Variants in USP8 observed in about 807,000 individuals in gnomAD.
USP8 encodes the protein ubiquitin specific peptidase 8, also known as ubiquitin carboxyl-terminal hydrolase 8.
A neutral mutation model predicts 130.0 loss-of-function variants in USP8; 27 were observed. The observed-to-expected ratio is 0.21, with a 90% confidence interval of 0.15 to 0.29. The LOEUF is 0.29. Among genes scored for constraint, USP8 ranks in the 10% least tolerant of loss-of-function variants. The probability of loss-of-function intolerance (pLI) is 1.00; values close to 1 mark genes in which losing one functional copy is unlikely to be tolerated. For missense variants in USP8, 1,029 were observed against 1,312.2 expected (o/e 0.78, Z 3.33); for synonymous variants, 392 against 444.1 (o/e 0.88, Z 1.48).
chr15:50,426,667 G>A (rs1030982730), intron 1 of USP8, among the ~76,000 whole-genome samples: 1 of 152,144 alleles, frequency 6.6e-6, no homozygotes, highest in Non-Finnish European at 1.5e-5. Flanking sequence ...ACAGTATGGC[G>A]GCTAGGTTCC....
chr15:50,424,578 C>A (rs1194162749), intron 1 of USP8, 64 bp downstream of exon 1: 2 of 398,254 alleles, frequency 5.0e-6, no homozygotes, highest in Non-Finnish European at 8.9e-6. Flanking sequence ...GAACGATGAA[C>A]GCCTTTCCTT....
intron 4 of USP8, among the ~76,000 whole-genome samples, chr15:50,456,996 A>G (rs956939074): frequency 6.6e-6 from 1 of 152,250 alleles, no homozygotes; most frequent in African/African-American, 2.4e-5. Flanking sequence ...TTTGTGTGAC[A>G]TGCTAATTTC....
chr15:50,498,407 CT>C, intron 18 of USP8, 188 bp from the exon 19 acceptor site: 2 of 665,630 alleles, frequency 3.0e-6, no homozygotes, highest in Non-Finnish European at 4.7e-6. Flanking sequence ...ATCCATATGC[CT>C]CAGTTTTCTT....
chr15:50,479,975 G>T (rs2051706358), intron 10 of USP8, among the ~76,000 whole-genome samples: 1 of 152,050 alleles, frequency 6.6e-6, no homozygotes, highest in South Asian at 2.1e-4. Flanking sequence ...TGCCCAGGCT[G>T]GTCTCGAACT....
chr15:50,471,855 G>A (rs1413359616), intron 8 of USP8, 60 bp downstream of exon 8: 9 of 1,558,926 alleles, frequency 5.8e-6, no homozygotes, highest in Non-Finnish European at 7.9e-6. Context: ...TGTTAGAAAG[G>A]CATGTTAACT....
At chr15:50,454,525 G>C (rs2050728726) in intron 4 of USP8, among the ~76,000 whole-genome samples, 1 of 145,878 alleles carries the variant, frequency 6.9e-6, no homozygotes, top group East Asian at 2.1e-4. Flanking sequence ...ACACGATCTT[G>C]GCTTGCTGCA....
chr15:50,436,539 C>G (rs1245248169), intron 1 of USP8, among the ~76,000 whole-genome samples: 1 of 152,140 alleles, frequency 6.6e-6, no homozygotes, highest in Non-Finnish European at 1.5e-5. Context: ...CACTTTGTTG[C>G]CCAGGCTGGA....
intron 17 of USP8, 122 bp from the exon 18 acceptor site, chr15:50,496,967 C>G: frequency 2.3e-6 from 3 of 1,281,508 alleles, no homozygotes; most frequent in Non-Finnish European, 3.2e-6. Context: ...AAGGCAGGAA[C>G]TCTTTTGTGT....
intron 1 of USP8, among the ~76,000 whole-genome samples, chr15:50,438,310 G>A (rs531512429): frequency 2.6e-5 from 4 of 152,306 alleles, no homozygotes; most frequent in African/African-American, 7.2e-5. Context: ...GTAGCCAGAC[G>A]TGGTGGCTTA....
chr15:50,438,278 A>C (rs1174846565), intron 1 of USP8, among the ~76,000 whole-genome samples: 1 of 152,200 alleles, frequency 6.6e-6, no homozygotes, highest in Non-Finnish European at 1.5e-5. Flanking sequence ...TAGAATGAAG[A>C]TTATTAAGAG....
chr15:50,500,659 C>T lies in USP8; in HGVS notation c.*1571C>T, dbSNP rs1012704208. 1.7e-5 allele frequency: 18 copies of T among 1,059,070 alleles called. No homozygotes were observed. In the African/African-American group the frequency reaches 1.7e-4, roughly 10 times the overall value. The allele number at this position is 1,059,070 out of a possible 1,614,324, so 65.6% of individuals were successfully genotyped here. On this transcript the variant is annotated 3_prime_UTR_variant, in exon 20 of 20. Coordinates refer to ENST00000307179, the MANE Select transcript of USP8 (RefSeq NM_005154.5). The stretch of plus-strand genomic sequence containing the variant: ...GAAACACCATTTTCCTGGCTCTTAA[C>T]GCTTTTGTATTGGTATGGAAAAGGG...
chr15:50,447,813 G>A (rs1183641930), intron 3 of USP8, among the ~76,000 whole-genome samples: 1 of 150,568 alleles, frequency 6.6e-6, no homozygotes. Context: ...TATATGCCCA[G>A]GCAGGTCTCA....
In USP8 at chr15:50,500,822, A is replaced by G. The variant is rs760290685; in HGVS notation, c.*1734A>G. 3 of 1,583,440 alleles carry G rather than the reference A, an allele frequency of 1.9e-6. No individual in the cohort carries two copies. In the East Asian group the frequency reaches 6.8e-5, roughly 36 times the overall value. On this transcript the variant is annotated 3_prime_UTR_variant, in exon 20 of 20. Transcript: ENST00000307179. ...AAAGCAGTGTAGTGGCCACCATCCA[A>G]ATCACCAAAATGGTTCTATGGGAGA...
rs1316470345 is a variant in USP8 at position 50,509,122 on chromosome 15, G to C, written c.*10034G>C. On this transcript the variant is annotated 3_prime_UTR_variant, in exon 20 of 20. Coordinates refer to ENST00000307179, the MANE Select transcript of USP8 (RefSeq NM_005154.5). ...TGCTCCAGCCTGGGCGACAGAGCGA[G>C]ACTCCGTCACAAAAAAAAAAAAAAA... The C allele has an allele frequency of 1.0e-5, 1 of 98,560 alleles. No homozygotes were observed. The highest frequency in any genetic ancestry group is 1.8e-5 in the Non-Finnish European group (1 of 55,372). 6.1% of individuals were successfully genotyped at this position (98,560 alleles called of 1,614,324 possible). A position where few individuals can be genotyped will look rare whatever the true frequency, so the allele number is the denominator to read the frequency against.
intron 14 of USP8, among the ~76,000 whole-genome samples, chr15:50,492,298 A>G (rs2052206152): frequency 6.6e-6 from 1 of 151,728 alleles, no homozygotes; most frequent in South Asian, 2.1e-4. Flanking sequence ...TTTTGTTTTT[A>G]TTTTTTTATT....
intron 3 of USP8, among the ~76,000 whole-genome samples, chr15:50,448,176 A>G (rs540236707): frequency 1.7e-4 from 26 of 152,298 alleles, no homozygotes; most frequent in African/African-American, 6.3e-4. Context: ...GCTCTTCATG[A>G]CTGAGAGCCA....
At chr15:50,496,368 C>G (rs1160485027) in intron 17 of USP8, among the ~76,000 whole-genome samples, 1 of 151,690 alleles carries the variant, frequency 6.6e-6, no homozygotes, top group East Asian at 1.9e-4. Flanking sequence ...GTAGTCCCCG[C>G]TACTCAGGAG....
chr15:50,481,744 G>C lies in USP8; in HGVS notation c.1482G>C (p.Leu494=), dbSNP rs1206907590. ...AGCAAGAGGAACAGAAAGAGAAACT[G>C]AGGAAGGAAGAACAAGAACAAAAAG... ...ERQQEEQKEK[L]RKEEQEQKAK... is the part of the protein sequence containing the mutation. The change falls in exon 11 of 20, where the codon CTG becomes CTC. Residue 494 remains leucine, a synonymous_variant. Transcript: ENST00000307179. 6 of 1,601,790 alleles carry C rather than the reference G, an allele frequency of 3.7e-6. No individual in the cohort carries two copies. Among genetic ancestry groups the C allele is most frequent in the East Asian group, 4.5e-5 (2 of 44,584 alleles).
At position 50,509,758 on chromosome 15, in the gene USP8, C is replaced by G. The variant is rs1226927341; in HGVS notation, c.*10670C>G. ...TCCTGAATAAATTTATTGTTAATACCCTAAAAACTTTATGCCAGCCAACTG... is the reference window on the plus strand; with the variant it reads ...TCCTGAATAAATTTATTGTTAATACGCTAAAAACTTTATGCCAGCCAACTG... On this transcript the variant is annotated 3_prime_UTR_variant, in exon 20 of 20. Transcript: ENST00000307179. 1 of 151,738 alleles carries G rather than the reference C, an allele frequency of 6.6e-6. No homozygotes were observed. Among genetic ancestry groups the G allele is most frequent in the African/African-American group, 2.4e-5 (1 of 41,310 alleles). The allele number at this position is 151,738 out of a possible 1,614,324, so 9.4% of individuals were successfully genotyped here.
Sources: allele counts gnomAD v4.1 joint callset (sites outside exome capture counted in the v4.1 genomes callset), GRCh38; gene constraint gnomAD v4.1.1; transcripts MANE v1.5; gene names NCBI Gene and HGNC (gene_info 2026-07-23, HGNC 2026-07-21).